CDH11: variants seen among roughly 807,000 people sequenced by gnomAD.
CDH11 encodes cadherin 11.
In CDH11, 11 loss-of-function variants were observed where a neutral mutation model predicts 67.8. That is an observed-to-expected ratio of 0.16 (90% CI 0.10 to 0.27). The LOEUF (loss-of-function observed/expected upper bound fraction) is 0.27, where lower values mean the gene tolerates loss of function less well. Among genes scored for constraint, CDH11 ranks in the 10% least tolerant of loss-of-function variants. The pLI is 1.00. For missense variants in CDH11, 847 were observed against 1,031.2 expected (o/e 0.82, Z 2.45); for synonymous variants, 419 against 400.0 (o/e 1.05, Z -0.57).
At chr16:64,978,050 T>A (rs1172477376) in intron 8 of CDH11, among the ~76,000 whole-genome samples, 3 of 152,180 alleles carry the variant, frequency 2.0e-5, no homozygotes, top group Non-Finnish European at 2.9e-5. Flanking sequence ...ATCCATTTAC[T>A]TTTTCATAAG....
intron 1 of CDH11, among the ~76,000 whole-genome samples, chr16:65,108,973 C>T (rs2075112784): frequency 6.6e-6 from 1 of 151,980 alleles, no homozygotes; most frequent in African/African-American, 2.4e-5. Context: ...ATGGTAAAAC[C>T]CTGCCTCTAC....
chr16:64,951,049 C>G, intron 11 of CDH11, 31 bp from the exon 12 acceptor site: 1 of 1,596,968 alleles, frequency 6.3e-7, no homozygotes, highest in Non-Finnish European at 8.6e-7. Context: ...GGCCGTGCGC[C>G]CAGTCAAGAC....
intron 11 of CDH11, among the ~76,000 whole-genome samples, chr16:64,963,832 C>A (rs1447006971): frequency 1.3e-5 from 2 of 152,016 alleles, no homozygotes; most frequent in Non-Finnish European, 2.9e-5. Context: ...AAAAAACATA[C>A]CAACCTAGAA....
chr16:64,985,344 T>C (rs1352919437), intron 7 of CDH11: 1 of 152,212 alleles, frequency 6.6e-6, no homozygotes, highest in African/African-American at 2.4e-5. Context: ...CTACCTCTTC[T>C]ACCTTCTTCA....
intron 2 of CDH11, among the ~76,000 whole-genome samples, chr16:65,011,893 C>T (rs2073191804): frequency 6.6e-6 from 1 of 152,114 alleles, no homozygotes; most frequent in African/African-American, 2.4e-5. Context: ...TTTGTGGTAT[C>T]AAAGGCCTGT....
chr16:65,104,161 A>G (rs2075033940), intron 1 of CDH11, among the ~76,000 whole-genome samples: 1 of 152,196 alleles, frequency 6.6e-6, no homozygotes, highest in Non-Finnish European at 1.5e-5. Flanking sequence ...GCTGGGAAGG[A>G]AAGTATTATC....
upstream of CDH11, chr16:65,122,065 A>T (rs1343654212): frequency 8.6e-6 from 4 of 467,458 alleles, no homozygotes; most frequent in Non-Finnish European, 1.6e-5. Flanking sequence ...CCGCGGAATG[A>T]GCCGCCGAGC....
chr16:64,977,749 C>T (rs1252845257), intron 8 of CDH11, among the ~76,000 whole-genome samples: 1 of 152,194 alleles, frequency 6.6e-6, no homozygotes, highest in Non-Finnish European at 1.5e-5. Context: ...AAAGAAGTCT[C>T]ATCATTGCTC....
At chr16:65,122,772 A>G (rs1040053456), upstream of CDH11, among the ~76,000 whole-genome samples, 2 of 152,032 alleles carry the variant, frequency 1.3e-5, no homozygotes, top group South Asian at 2.1e-4. Flanking sequence ...CCTCTCGTCT[A>G]GTGCCCCCCA....
intron 1 of CDH11, among the ~76,000 whole-genome samples, chr16:65,064,062 C>T (rs954391905): frequency 3.3e-5 from 5 of 152,138 alleles, no homozygotes; most frequent in African/African-American, 7.2e-5. Context: ...AAGACCTTGG[C>T]GGCCAGGGAG....
At chr16:65,078,602 C>T (rs770803541) in intron 1 of CDH11, among the ~76,000 whole-genome samples, 1 of 152,112 alleles carries the variant, frequency 6.6e-6, no homozygotes, top group Non-Finnish European at 1.5e-5. Context: ...GACAGTGTAA[C>T]CCATCTCAAA....
intron 4 of CDH11, among the ~76,000 whole-genome samples, chr16:64,996,882 A>C (rs1244329172): frequency 6.6e-6 from 1 of 152,214 alleles, no homozygotes; most frequent in Non-Finnish European, 1.5e-5. Context: ...CAGGATTACT[A>C]GAGTGGAGCC....
At chr16:65,048,349 C>G (rs2073998306) in intron 2 of CDH11, among the ~76,000 whole-genome samples, 1 of 152,156 alleles carries the variant, frequency 6.6e-6, no homozygotes, top group African/African-American at 2.4e-5. Flanking sequence ...TCTCAAAGAA[C>G]TGAAAATAGG....
chr16:65,014,321 C>A lies in CDH11; in HGVS notation c.-172-9280G>T, dbSNP rs185727410. 3.8e-3 allele frequency among the ~76,000 whole-genome samples: 585 copies of A among 152,172 alleles called. 5 individuals are homozygous for A. Among genetic ancestry groups the A allele is most frequent in the African/African-American group, 0.013 (558 of 41,522 alleles). ...TCTAGAAGCCATATATTTAAAAGTT[C>A]AAAAAATCAGTGAACTTAATTTTTA... On this transcript the variant is annotated intron_variant, in intron 2 of 12. Coordinates refer to ENST00000268603, the MANE Select transcript of CDH11 (RefSeq NM_001797.4).
At chr16:64,962,274 A>C (rs1324017510) in intron 11 of CDH11, among the ~76,000 whole-genome samples, 2 of 152,150 alleles carry the variant, frequency 1.3e-5, no homozygotes, top group Non-Finnish European at 2.9e-5. Context: ...GATACATAAG[A>C]AGCTTGGAAG....
intron 2 of CDH11, among the ~76,000 whole-genome samples, chr16:65,033,838 A>C (rs1285652272): frequency 6.6e-6 from 1 of 152,160 alleles, no homozygotes; most frequent in East Asian, 1.9e-4. Context: ...ATGCATGAAG[A>C]TGGGGATCAT....
At chr16:65,056,129 A>C (rs2074138195) in intron 1 of CDH11, among the ~76,000 whole-genome samples, 1 of 152,222 alleles carries the variant, frequency 6.6e-6, no homozygotes, top group African/African-American at 2.4e-5. Flanking sequence ...ACTAATACAG[A>C]AACCCTGTAG....
In CDH11 at chr16:65,121,747, C is replaced by A. The variant is rs1158099220; in HGVS notation, c.-298+133G>T. On this transcript the variant is annotated intron_variant, in intron 1 of 12. Coordinates refer to ENST00000268603, the MANE Select transcript of CDH11 (RefSeq NM_001797.4). This position sits in a 1 kb window ranked among gnomAD's most constrained non-coding sequence, Gnocchi z 4.1. ...TCCCTTTTGCTTTGCGTTAGTGAAG[C>A]CTTCTCGACTCAGATACCACCGTCC... 4.4e-6 allele frequency: 3 copies of A among 686,022 alleles called. No individual in the cohort carries two copies. Among genetic ancestry groups the A allele is most frequent in the Non-Finnish European group, 2.6e-6 (1 of 378,806 alleles). 42.5% of individuals were successfully genotyped at this position (686,022 alleles called of 1,614,324 possible).
chr16:65,089,613 C>T (rs775558696), intron 1 of CDH11, among the ~76,000 whole-genome samples: 1 of 152,098 alleles, frequency 6.6e-6, no homozygotes, highest in South Asian at 2.1e-4. Flanking sequence ...ATTCAAGTAA[C>T]AAATAGCATT....
Sources: allele counts gnomAD v4.1 joint callset (sites outside exome capture counted in the v4.1 genomes callset), GRCh38; gene constraint gnomAD v4.1.1; non-coding constraint Gnocchi (gnomAD v3.1); transcripts MANE v1.5; gene names NCBI Gene and HGNC (gene_info 2026-07-23, HGNC 2026-07-21).